MAGI2: variants seen among roughly 807,000 people sequenced by gnomAD.
The protein encoded by MAGI2 is membrane associated guanylate kinase, WW and PDZ domain containing 2.
MAGI2 carries 35 observed loss-of-function variants against 133.3 expected under a neutral mutation model. The ratio of observed to expected loss-of-function variants is 0.26; its 90% CI spans 0.20 to 0.35. MAGI2 has a LOEUF of 0.35. MAGI2 is among the 10% of genes least tolerant of loss of function. MAGI2 has a pLI of 1.00. For synonymous variants in MAGI2, 729 were observed against 710.6 expected, an observed-to-expected ratio of 1.03 and a Z score of -0.41; for missense variants, 1,636 against 1,863.4, an observed-to-expected ratio of 0.88 and a Z score of 2.25.
At chr7:78,802,377 G>T (rs988571899) in intron 2 of MAGI2, among the ~76,000 whole-genome samples, 5 of 152,032 alleles carry the variant, frequency 3.3e-5, no homozygotes, top group Non-Finnish European at 7.4e-5. Flanking sequence ...AAGTTTAAGG[G>T]TTTGTATTTT....
intron 1 of MAGI2, among the ~76,000 whole-genome samples, chr7:79,110,670 GGGGACT>G (rs1818852288): frequency 6.6e-6 from 1 of 152,176 alleles, no homozygotes. Flanking sequence ...TAAGGCTTTA[GGGGACT>G]ATTGAGATGA....
At chr7:79,417,237 G>A (rs1240578084) in intron 1 of MAGI2, among the ~76,000 whole-genome samples, 1 of 151,990 alleles carries the variant, frequency 6.6e-6, no homozygotes. Flanking sequence ...ATCCCTTTAT[G>A]TTTTAGAGCA....
At chr7:79,035,756 C>T in intron 1 of MAGI2, among the ~76,000 whole-genome samples, 1 of 152,126 alleles carries the variant, frequency 6.6e-6, no homozygotes, top group East Asian at 1.9e-4. Context: ...TATAGAATTT[C>T]TGATTCAATC....
At chr7:79,203,759 T>G (rs1365559523) in intron 1 of MAGI2, among the ~76,000 whole-genome samples, 1 of 152,032 alleles carries the variant, frequency 6.6e-6, no homozygotes, top group Non-Finnish European at 1.5e-5. Context: ...AACGCACCAA[T>G]GTAAAATTCA....
At chr7:78,127,456 A>G (rs185894889) in intron 18 of MAGI2, 40 bp from the exon 19 acceptor site, 1 of 1,504,476 alleles carries the variant, frequency 6.6e-7, no homozygotes, top group Non-Finnish European at 9.1e-7. Flanking sequence ...GTAACTCTGC[A>G]TTCTAAAGAG....
At chr7:78,720,763 C>A (rs913106384) in intron 2 of MAGI2, among the ~76,000 whole-genome samples, 22 of 152,032 alleles carry the variant, frequency 1.4e-4, no homozygotes, top group Non-Finnish European at 2.8e-4. Context: ...GAGAAAAAAT[C>A]ATCTTTTCCT....
chr7:78,506,530 AC>A (rs1795102127), intron 4 of MAGI2, among the ~76,000 whole-genome samples: 1 of 152,216 alleles, frequency 6.6e-6, no homozygotes, highest in Admixed American at 6.5e-5. Flanking sequence ...AGTCACTGAA[AC>A]AATGGACTGG....
chr7:78,757,367 T>C (rs1357095440), intron 2 of MAGI2, among the ~76,000 whole-genome samples: 1 of 151,018 alleles, frequency 6.6e-6, no homozygotes, highest in African/African-American at 2.4e-5. Context: ...AATCATTCTC[T>C]TTAACACACA....
chr7:79,295,791 G>C (rs1015526119), intron 1 of MAGI2, among the ~76,000 whole-genome samples: 1 of 151,710 alleles, frequency 6.6e-6, no homozygotes, highest in Non-Finnish European at 1.5e-5. Flanking sequence ...ACCACATTTC[G>C]GTGATAGTAA....
chr7:78,587,837 G>T (rs1477694761), intron 3 of MAGI2, among the ~76,000 whole-genome samples: 17 of 152,110 alleles, frequency 1.1e-4, no homozygotes, highest in Non-Finnish European at 5.9e-5. Flanking sequence ...TAAAGATTCA[G>T]AATTTATAAT....
chr7:78,340,557 A>G (rs991627391), intron 9 of MAGI2, among the ~76,000 whole-genome samples: 2 of 152,220 alleles, frequency 1.3e-5, no homozygotes, highest in African/African-American at 2.4e-5. Context: ...AAAATCCTCA[A>G]TAAAATACTG....
intron 15 of MAGI2, among the ~76,000 whole-genome samples, chr7:78,166,169 T>C (rs746752461): frequency 1.3e-5 from 2 of 152,220 alleles, no homozygotes; most frequent in Non-Finnish European, 2.9e-5. Context: ...TTTTGCAGCA[T>C]TTGGTACACA....
intron 2 of MAGI2, among the ~76,000 whole-genome samples, chr7:78,814,698 C>A (rs139885851): frequency 3.3e-4 from 50 of 152,134 alleles, no homozygotes; most frequent in Middle Eastern, 3.4e-3. Flanking sequence ...GCTTATCTTA[C>A]CTCTCATGGA....
At chr7:78,288,902 G>C (rs564058558) in intron 9 of MAGI2, among the ~76,000 whole-genome samples, 19 of 152,080 alleles carry the variant, frequency 1.2e-4, no homozygotes, top group Non-Finnish European at 2.6e-4. Flanking sequence ...ACTGTTAGAA[G>C]GAAAACTAAC....
At chr7:79,103,874 T>A (rs796310030) in intron 1 of MAGI2, among the ~76,000 whole-genome samples, 2 of 115,926 alleles carry the variant, frequency 1.7e-5, no homozygotes, top group African/African-American at 5.2e-5. Context: ...TAATTTTTTT[T>A]ATATTTTTAG....
chr7:79,213,168 T>G (rs1287593946), intron 1 of MAGI2, among the ~76,000 whole-genome samples: 3 of 151,846 alleles, frequency 2.0e-5, no homozygotes, highest in Admixed American at 1.3e-4. Context: ...TTTCTGTATA[T>G]ATTTTCTGTA....
chr7:78,507,374 G>A (rs1447251130), intron 4 of MAGI2, among the ~76,000 whole-genome samples: 1 of 152,164 alleles, frequency 6.6e-6, no homozygotes, highest in South Asian at 2.1e-4. Context: ...TCCATGTAAG[G>A]GTAGAATCTG....
At chr7:78,480,361 A>C (rs1792225483) in intron 6 of MAGI2, among the ~76,000 whole-genome samples, 1 of 151,864 alleles carries the variant, frequency 6.6e-6, no homozygotes, top group Non-Finnish European at 1.5e-5. Flanking sequence ...CCGATACCAA[A>C]ACCAGATAAA....
intron 2 of MAGI2, among the ~76,000 whole-genome samples, chr7:78,965,923 C>T (rs1005416360): frequency 6.6e-6 from 1 of 152,030 alleles, no homozygotes; most frequent in African/African-American, 2.4e-5. Context: ...GAGGCAACCT[C>T]ATCCCTCATC....
Sources: gnomAD v4.1 joint callset for allele counts (sites outside exome capture counted in the v4.1 genomes callset) on GRCh38, gnomAD v4.1.1 for gene constraint, MANE v1.5 for transcripts, NCBI Gene and HGNC (gene_info 2026-07-23, HGNC 2026-07-21) for gene names.